PLG: variants seen among roughly 807,000 people sequenced by gnomAD.
The protein encoded by PLG is plasminogen.
In PLG, 41 loss-of-function variants were observed where a neutral mutation model predicts 104.4. The ratio of observed to expected loss-of-function variants is 0.39; its 90% CI spans 0.31 to 0.51. PLG has a LOEUF of 0.51. PLG is among the 20% of genes least tolerant of loss of function. The probability of loss-of-function intolerance (pLI) is 0.76; values close to 1 mark genes in which losing one functional copy is unlikely to be tolerated. For synonymous variants in PLG, 337 were observed against 357.1 expected (o/e 0.94, Z 0.63); for missense variants, 891 against 1,003.6 (o/e 0.89, Z 1.52).
Position 160,741,386 on chromosome 6 carries a change from A to G in PLG, c.2094A>G (p.Glu698=), listed in dbSNP as rs557700523. Residue 698 remains glutamate (E), a synonymous_variant, in exon 17 of 19, where the codon GAA becomes GAG. Transcript: ENST00000308192. The surrounding 1 kb of genome is among the most constrained non-coding windows in gnomAD (Gnocchi z 4.7). The part of the protein sequence containing the change: ...SPNYVVADRT[E]CFITGWGETQ... ...ATTATGTGGTCGCTGACCGGACCGAATGTTTCATCACTGGCTGGGGAGAAA... is the reference window on the plus strand; with the variant it reads ...ATTATGTGGTCGCTGACCGGACCGAGTGTTTCATCACTGGCTGGGGAGAAA... The G allele has an allele frequency of 1.0e-4, 162 of 1,612,926 alleles. No homozygotes were observed. The South Asian group carries it at 1.4e-3, about 13-fold the overall frequency.
chr6:160,728,407 G>GT (rs1233979615), intron 10 of PLG, among the ~76,000 whole-genome samples: 2 of 4,738 alleles, frequency 4.2e-4, no homozygotes, highest in Admixed American at 3.7e-3. Flanking sequence ...CTCAGCAGTC[G>GT]TTTTTTTTAA....
At chr6:160,733,102 T>G (rs1778025242) in intron 12 of PLG, among the ~76,000 whole-genome samples, 1 of 152,084 alleles carries the variant, frequency 6.6e-6, no homozygotes, top group South Asian at 2.1e-4. Flanking sequence ...GATGCTCCCT[T>G]CACTCAGGAA....
rs1778239860 is a variant in PLG, at chr6:160,744,090, T to G, written c.2125+2673T>G. 6.6e-6 allele frequency among the ~76,000 whole-genome samples: 1 copy of G among 152,220 alleles called. No individual in the cohort carries two copies. The highest frequency in any genetic ancestry group is 1.5e-5 in the Non-Finnish European group (1 of 68,044). ...ATTTTGTAAAGGATTTTTGCATCAG[T>G]GTTCATCAAGGATATTGGCCTGAAG... On this transcript the variant is annotated intron_variant, in intron 17 of 18. Coordinates refer to ENST00000308192, the MANE Select transcript of PLG (RefSeq NM_000301.5). The surrounding 1 kb of genome is among the most constrained non-coding windows in gnomAD (Gnocchi z 4.5).
upstream of PLG, chr6:160,702,233 T>G: frequency 6.3e-7 from 1 of 1,580,706 alleles, no homozygotes; most frequent in Non-Finnish European, 8.6e-7. Flanking sequence ...TGTGGATGCG[T>G]TTACTCTCAT....
intron 12 of PLG, 37 bp from the exon 13 acceptor site, chr6:160,733,958 C>A: frequency 9.0e-7 from 1 of 1,105,406 alleles, no homozygotes; most frequent in Non-Finnish European, 1.4e-6. Flanking sequence ...TCTCCTGCCC[C>A]ACGTGAGCTG....
rs118139938 is a variant in PLG at position 160,729,505 on chromosome 6, C to T, written c.1257-1546C>T. 5.3e-5 allele frequency among the ~76,000 whole-genome samples: 8 copies of T among 152,098 alleles called. No homozygotes were observed. In the East Asian group the frequency reaches 5.8e-4, roughly 11 times the overall value. The stretch of plus-strand genomic sequence containing the variant: ...AAGGTCAATCAATGAGAAAATGAAT[C>T]GATAATTTGTGATCTATTCATATAA... On this transcript the variant is annotated intron_variant, in intron 10 of 18. Coordinates refer to ENST00000308192, the MANE Select transcript of PLG (RefSeq NM_000301.5).
At chr6:160,722,985 T>C (rs1777861103) in intron 10 of PLG, among the ~76,000 whole-genome samples, 1 of 151,994 alleles carries the variant, frequency 6.6e-6, no homozygotes, top group Admixed American at 6.6e-5. Flanking sequence ...CAAGTAAATA[T>C]ACTTTATATA....
At chr6:160,727,655 G>T (rs1043969400) in intron 10 of PLG, among the ~76,000 whole-genome samples, 4 of 151,898 alleles carry the variant, frequency 2.6e-5, no homozygotes, top group African/African-American at 7.2e-5. Flanking sequence ...AATCCAACAT[G>T]TTAACAGAAT....
At position 160,736,930 on chromosome 6, in the gene PLG, G is replaced by T; in HGVS notation, c.1725G>T (p.Lys575Asn). 1.9e-6 allele frequency: 3 copies of T among 1,614,066 alleles called. No homozygotes were observed. Among genetic ancestry groups the T allele is most frequent in the South Asian group, 2.2e-5 (2 of 91,080 alleles). ...FDCGKPQVEPKKCPGRVVGGC... is the reference protein window; with the variant it reads ...FDCGKPQVEPNKCPGRVVGGC... Reference sequence around the variant, plus strand: ...GTGGGAAGCCTCAAGTGGAGCCGAAGAAATGTCCTGGAAGGGTTGTAGGGG... The same window carrying T: ...GTGGGAAGCCTCAAGTGGAGCCGAATAAATGTCCTGGAAGGGTTGTAGGGG... Residue 575 changes from lysine to asparagine, a missense_variant, in exon 14 of 19, where the codon AAG becomes AAT. By Grantham distance (94) the Lys-to-Asn change is moderately conservative (BLOSUM62 0). Transcript: ENST00000308192. This position sits in a 1 kb window ranked among gnomAD's most constrained non-coding sequence, Gnocchi z 5.2.
chr6:160,716,542 C>G (rs969801094), intron 6 of PLG, 103 bp from the exon 7 acceptor site: 2 of 787,364 alleles, frequency 2.5e-6, no homozygotes, highest in Non-Finnish European at 4.6e-6. Context: ...CCATGCCCGA[C>G]TGTGCCTAGC....
intron 9 of PLG, among the ~76,000 whole-genome samples, chr6:160,720,352 T>C (rs1371799678): frequency 6.6e-6 from 1 of 151,618 alleles, no homozygotes; most frequent in Admixed American, 6.6e-5. Flanking sequence ...TGAGGTATTC[T>C]GAGTTCCTAG....
chr6:160,709,296 C>G (rs929422830), intron 3 of PLG, among the ~76,000 whole-genome samples: 3 of 152,186 alleles, frequency 2.0e-5, no homozygotes, highest in Non-Finnish European at 2.9e-5. Context: ...TGTTAGATCA[C>G]ATTTACTTCT....
chr6:160,748,741 A>G (rs1351865554), intron 17 of PLG, among the ~76,000 whole-genome samples: 2 of 152,212 alleles, frequency 1.3e-5, no homozygotes. Context: ...GGCTCACATC[A>G]TGGCCCCAGA....
rs952551508 is a variant in PLG at position 160,738,145 on chromosome 6, C to T, written c.1803-393C>T. On this transcript the variant is annotated intron_variant, in intron 14 of 18. Coordinates refer to ENST00000308192, the MANE Select transcript of PLG (RefSeq NM_000301.5). This position sits in a 1 kb window ranked among gnomAD's most constrained non-coding sequence, Gnocchi z 6.8. ...ACATCTGGCTCCTTGAAGAGTGATT[C>T]ATCAGACCTTACATAGATCTTGTCA... Among the ~76,000 whole-genome samples, 3 of 152,222 alleles carry T rather than the reference C, an allele frequency of 2.0e-5. No individual in the cohort carries two copies. Among genetic ancestry groups the T allele is most frequent in the African/African-American group, 7.2e-5 (3 of 41,452 alleles).
intron 5 of PLG, among the ~76,000 whole-genome samples, chr6:160,714,289 T>C (rs1396412713): frequency 6.6e-6 from 1 of 152,208 alleles, no homozygotes; most frequent in East Asian, 1.9e-4. Context: ...TTGTTCTCCC[T>C]GAGGCCATGA....
chr6:160,718,112 T>C (rs1021127539), intron 7 of PLG, among the ~76,000 whole-genome samples, 182 bp from the exon 8 acceptor site: 5 of 152,106 alleles, frequency 3.3e-5, no homozygotes, highest in African/African-American at 1.2e-4. Context: ...ATTAGCCAGT[T>C]GTGGTGACAC....
Position 160,714,722 on chromosome 6 carries a change from T to C in PLG, c.548-72T>C, listed in dbSNP as rs4252104. ...CACTTAAGTGAGTAGGATTCTGGTT[T>C]TTACTCTCTATTTTGCTTCATCCAT... On this transcript the variant is annotated intron_variant, in intron 5 of 18. Coordinates refer to ENST00000308192, the MANE Select transcript of PLG (RefSeq NM_000301.5). 1.3e-3 allele frequency: 1,958 copies of C among 1,508,008 alleles called. 25 individuals carry two copies. In the African/African-American group the frequency reaches 0.023, roughly 18 times the overall value. 93.4% of individuals were successfully genotyped at this position (1,508,008 alleles called of 1,614,324 possible). A position where few individuals can be genotyped will look rare whatever the true frequency, so the allele number is the denominator to read the frequency against.
chr6:160,714,908 C>T lies in PLG; in HGVS notation c.662C>T (p.Pro221Leu), dbSNP rs770480023. Reference sequence around the variant, plus strand: ...AGCCCACACGCTCATGGATACATTCCTTCCAAGTAAGTCTCACTGGGAAAA... The same window carrying T: ...AGCCCACACGCTCATGGATACATTCTTTCCAAGTAAGTCTCACTGGGAAAA... ...SQSPHAHGYI[P>L]SKFPNKNLKK... The change falls in exon 6 of 19, where the codon CCT becomes CTT. Residue 221 changes from proline (P) to leucine (L), a missense_variant. Physicochemically the swap from Pro to Leu is moderately conservative, Grantham distance 98. Transcript: ENST00000308192. The T allele has an allele frequency of 2.0e-5, 32 of 1,613,560 alleles. No homozygotes were observed. The highest frequency in any genetic ancestry group is 2.5e-5 in the Non-Finnish European group (30 of 1,179,660).
intron 1 of PLG, chr6:160,706,169 C>T (rs1410512198): frequency 3.5e-6 from 2 of 565,186 alleles, no homozygotes; most frequent in East Asian, 6.5e-5. Context: ...TGCCTTGCTC[C>T]CTCTCTCCCT....
Sources: gnomAD v4.1 joint callset for allele counts (sites outside exome capture counted in the v4.1 genomes callset) on GRCh38, gnomAD v4.1.1 for gene constraint, Gnocchi (gnomAD v3.1) non-coding constraint, MANE v1.5 for transcripts, NCBI Gene and HGNC (gene_info 2026-07-23, HGNC 2026-07-21) for gene names.